RSPO4: variants seen among roughly 807,000 people sequenced by gnomAD.
The protein encoded by RSPO4 is R-spondin 4, also known as R-spondin-4.
Under a neutral mutation model 24.8 loss-of-function variants are expected in RSPO4, and 23 were observed. The observed-to-expected ratio is 0.93, with a 90% CI of 0.67 to 1.31. The LOEUF is 1.31. Ranked by LOEUF, RSPO4 falls within the 40% of genes most tolerant of loss-of-function variation. The pLI, the probability that RSPO4 is intolerant of heterozygous loss-of-function variation, is 0.00. For missense variants in RSPO4, 333 were observed against 316.5 expected (o/e 1.05, Z -0.39); for synonymous variants, 141 against 127.4 (o/e 1.11, Z -0.72).
chr20:987,661 C>T (rs1220167006), intron 1 of RSPO4, among the ~76,000 whole-genome samples: 1 of 151,688 alleles, frequency 6.6e-6, no homozygotes, highest in Admixed American at 6.6e-5. Flanking sequence ...CATGGTGATG[C>T]GTGCCTATAG....
At chr20:966,798 T>A (rs1984215335) in intron 3 of RSPO4, among the ~76,000 whole-genome samples, 1 of 152,160 alleles carries the variant, frequency 6.6e-6, no homozygotes, top group Non-Finnish European at 1.5e-5. Context: ...GAGGCTGCAG[T>A]GAGCTATGAT....
In RSPO4 at chr20:1,002,279, C is replaced by T. The variant is rs149154047; in HGVS notation, c.-115G>A. 13,850 of 471,312 alleles carry T rather than the reference C, an allele frequency of 0.029. 309 individuals carry two copies. Among genetic ancestry groups the T allele is most frequent in the Non-Finnish European group, 0.035 (11,725 of 336,790 alleles). 29.2% of individuals were successfully genotyped at this position (471,312 alleles called of 1,614,324 possible). A position where few individuals can be genotyped will look rare whatever the true frequency, so the allele number is the denominator to read the frequency against. ...CTGCTGTGGGCGCGCCGGGCGCATC[C>T]GCCAGGCGCGGGTCGGTCCGGCCGC... On this transcript the variant is annotated 5_prime_UTR_variant, in exon 1 of 5. Transcript: ENST00000217260. This position sits in a 1 kb window ranked among gnomAD's most constrained non-coding sequence, Gnocchi z 4.6.
At chr20:966,297 G>A (rs1984194191) in intron 3 of RSPO4, among the ~76,000 whole-genome samples, 1 of 152,186 alleles carries the variant, frequency 6.6e-6, no homozygotes, top group Non-Finnish European at 1.5e-5. Context: ...ACAAGGAGCT[G>A]TTAGGAAATA....
intron 4 of RSPO4, among the ~76,000 whole-genome samples, chr20:962,433 A>G (rs1336742855): frequency 6.6e-6 from 1 of 151,874 alleles, no homozygotes; most frequent in African/African-American, 2.4e-5. Context: ...TGTGATTATT[A>G]TTATCCAGGG....
At chr20:999,921 T>A (rs1985409696) in intron 1 of RSPO4, among the ~76,000 whole-genome samples, 4 of 152,048 alleles carry the variant, frequency 2.6e-5, no homozygotes, top group Admixed American at 2.6e-4. Flanking sequence ...CAGGCTGGAG[T>A]GCAGTGGCAT....
intron 4 of RSPO4, among the ~76,000 whole-genome samples, chr20:963,560 AT>A (rs567842026): frequency 3.3e-4 from 50 of 151,986 alleles, no homozygotes; most frequent in Non-Finnish European, 6.6e-4. Context: ...TTTCTCCTCT[AT>A]ATTACAGTTA....
At chr20:976,387 T>C (rs562743529) in intron 1 of RSPO4, among the ~76,000 whole-genome samples, 2 of 152,290 alleles carry the variant, frequency 1.3e-5, no homozygotes, top group African/African-American at 2.4e-5. Flanking sequence ...AGGGCAGAGA[T>C]ACTAGCCAGC....
chr20:1,001,963 G>A (rs1293722990), intron 1 of RSPO4, 123 bp downstream of exon 1: 2 of 748,640 alleles, frequency 2.7e-6, no homozygotes, highest in African/African-American at 1.8e-5. Context: ...TCGTCTGGAG[G>A]AGCGAAGGAC....
At chr20:972,887 T>C (rs1174634037) in intron 1 of RSPO4, among the ~76,000 whole-genome samples, 1 of 152,234 alleles carries the variant, frequency 6.6e-6, no homozygotes, top group Non-Finnish European at 1.5e-5. Context: ...TGGTGATCTT[T>C]ATCACCTGGC....
At chr20:974,820 T>C (rs575081774) in intron 1 of RSPO4, among the ~76,000 whole-genome samples, 5 of 152,340 alleles carry the variant, frequency 3.3e-5, no homozygotes, top group African/African-American at 1.2e-4. Context: ...AAGAGTCATC[T>C]GTGCATGTGG....
chr20:963,019 A>G (rs1984055254), intron 4 of RSPO4, among the ~76,000 whole-genome samples: 1 of 152,322 alleles, frequency 6.6e-6, no homozygotes, highest in East Asian at 1.9e-4. Context: ...AATACTACTC[A>G]CCGTTCACAT....
chr20:964,192 A>G, intron 3 of RSPO4, 72 bp from the exon 4 acceptor site: 1 of 1,336,350 alleles, frequency 7.5e-7, no homozygotes, highest in Non-Finnish European at 1.0e-6. Flanking sequence ...TTCAGATCCA[A>G]GGGCAGGGTT....
At chr20:994,566 A>AT (rs1443769936) in intron 1 of RSPO4, among the ~76,000 whole-genome samples, 2 of 151,288 alleles carry the variant, frequency 1.3e-5, no homozygotes, top group South Asian at 2.1e-4. Context: ...TCCTGTCTTA[A>AT]TTTTTTTTTA....
intron 1 of RSPO4, among the ~76,000 whole-genome samples, chr20:982,600 G>T (rs1984774974): frequency 6.6e-6 from 1 of 152,152 alleles, no homozygotes. Flanking sequence ...TCTCCTCAGG[G>T]CTGCAAAGTA....
chr20:978,181 T>C (rs1332999470), intron 1 of RSPO4, among the ~76,000 whole-genome samples: 1 of 152,106 alleles, frequency 6.6e-6, no homozygotes, highest in Non-Finnish European at 1.5e-5. Context: ...ATGTTGAGGT[T>C]GCCTTGGCTT....
At chr20:993,657 T>C (rs2122269791) in intron 1 of RSPO4, among the ~76,000 whole-genome samples, 1 of 152,342 alleles carries the variant, frequency 6.6e-6, no homozygotes, top group African/African-American at 2.4e-5. Context: ...GGACTCAGGC[T>C]TTGGAATCAA....
chr20:1,000,197 C>A (rs2122285029), intron 1 of RSPO4, among the ~76,000 whole-genome samples: 1 of 152,272 alleles, frequency 6.6e-6, no homozygotes, highest in East Asian at 1.9e-4. Flanking sequence ...GATGAGGAAA[C>A]TGAGGCTCTG....
At chr20:990,882 C>T (rs1985078502) in intron 1 of RSPO4, among the ~76,000 whole-genome samples, 1 of 152,242 alleles carries the variant, frequency 6.6e-6, no homozygotes, top group Non-Finnish European at 1.5e-5. Context: ...GTCTGGCTAG[C>T]AGCACATGCT....
intron 1 of RSPO4, among the ~76,000 whole-genome samples, chr20:987,836 A>G (rs1456831004): frequency 6.6e-6 from 1 of 152,196 alleles, no homozygotes; most frequent in East Asian, 1.9e-4. Context: ...ACCCACTGAA[A>G]AGCTTGTTCC....
Sources: gnomAD v4.1 joint callset for allele counts (sites outside exome capture counted in the v4.1 genomes callset) on GRCh38, gnomAD v4.1.1 for gene constraint, Gnocchi (gnomAD v3.1) non-coding constraint, MANE v1.5 for transcripts, NCBI Gene and HGNC (gene_info 2026-07-23, HGNC 2026-07-21) for gene names.